CNTNAP4: variants seen among roughly 807,000 people sequenced by gnomAD.
The protein encoded by CNTNAP4 is contactin associated protein family member 4, also known as contactin-associated protein-like 4.
Under a neutral mutation model 148.4 loss-of-function variants are expected in CNTNAP4, and 98 were observed. That is an observed-to-expected ratio of 0.66 (90% confidence interval 0.56 to 0.78). CNTNAP4 has a LOEUF of 0.78. Ranked by LOEUF, CNTNAP4 falls within the 30% of genes least tolerant of loss-of-function variation. The pLI is 0.00. For missense variants in CNTNAP4, 1,935 were observed against 1,565.6 expected (o/e 1.24, Z -3.98); for synonymous variants, 730 against 565.1 (o/e 1.29, Z -4.14).
chr16:76,456,785 A>G (rs2080747475), intron 8 of CNTNAP4, among the ~76,000 whole-genome samples: 1 of 152,174 alleles, frequency 6.6e-6, no homozygotes. Context: ...AGTAAGGCAG[A>G]CACCTGTCTT....
chr16:76,472,776 G>A (rs1462124753), intron 10 of CNTNAP4, among the ~76,000 whole-genome samples: 2 of 152,126 alleles, frequency 1.3e-5, no homozygotes, highest in African/African-American at 4.8e-5. Context: ...CACAAAAAGG[G>A]GAACAACACT....
intron 1 of CNTNAP4, chr16:76,287,662 CG>C (rs1214955318): frequency 2.0e-5 from 3 of 152,164 alleles, no homozygotes; most frequent in African/African-American, 7.2e-5. Flanking sequence ...TGACATCTGT[CG>C]TGTTAGCGAT....
chr16:76,401,887 G>A (rs141471756), intron 3 of CNTNAP4, among the ~76,000 whole-genome samples: 2,456 of 152,266 alleles, frequency 0.016, 29 homozygotes, highest in Non-Finnish European at 0.027. Context: ...TCCCAGAGAT[G>A]AAGCCTACTT....
chr16:76,497,605 A>G (rs1426247810), intron 14 of CNTNAP4, among the ~76,000 whole-genome samples: 4 of 151,726 alleles, frequency 2.6e-5, no homozygotes. Flanking sequence ...ACAGAAAACC[A>G]AACACTGCAT....
chr16:76,344,521 G>A lies in CNTNAP4; in HGVS notation c.197-10797G>A, dbSNP rs531790915. 3.3e-5 allele frequency among the ~76,000 whole-genome samples: 5 copies of A among 150,610 alleles called. 1 individual carries two copies. Among genetic ancestry groups the A allele is most frequent in the African/African-American group, 9.6e-5 (4 of 41,456 alleles). On this transcript the variant is annotated intron_variant, in intron 2 of 23. Coordinates refer to ENST00000611870, the MANE Select transcript of CNTNAP4 (RefSeq NM_033401.5). ...GTGAGATATCTTACAGTACTACTAC[G>A]GTGTATTAATCATTCAGATCTGAAA...
intron 15 of CNTNAP4, among the ~76,000 whole-genome samples, chr16:76,505,086 C>G (rs1177946006): frequency 1.3e-5 from 2 of 152,210 alleles, no homozygotes; most frequent in East Asian, 1.9e-4. Flanking sequence ...CCACATTTAC[C>G]ATATGACCCA....
intron 2 of CNTNAP4, among the ~76,000 whole-genome samples, chr16:76,345,386 C>T (rs762372107): frequency 2.0e-5 from 3 of 152,174 alleles, no homozygotes; most frequent in Non-Finnish European, 4.4e-5. Flanking sequence ...AAAAACAAAA[C>T]AGTGATTTCC....
At chr16:76,428,915 T>G (rs1391895530) in intron 4 of CNTNAP4, among the ~76,000 whole-genome samples, 1 of 152,116 alleles carries the variant, frequency 6.6e-6, no homozygotes, top group Non-Finnish European at 1.5e-5. Context: ...TTACCTCTTT[T>G]GAAAATGAGA....
intron 17 of CNTNAP4, among the ~76,000 whole-genome samples, chr16:76,525,709 C>G (rs2083698718): frequency 7.3e-6 from 1 of 137,498 alleles, no homozygotes; most frequent in East Asian, 2.1e-4. Context: ...TATATATAAA[C>G]TATTATATAC....
At chr16:76,359,267 A>G (rs1042323250) in intron 3 of CNTNAP4, among the ~76,000 whole-genome samples, 5 of 152,344 alleles carry the variant, frequency 3.3e-5, no homozygotes, top group Non-Finnish European at 4.4e-5. Flanking sequence ...GAGCTTCACA[A>G]TCTGCTCCAC....
chr16:76,509,021 G>C (rs1200254138), intron 15 of CNTNAP4, among the ~76,000 whole-genome samples: 1 of 96,908 alleles, frequency 1.0e-5, no homozygotes, highest in Admixed American at 1.0e-4. Flanking sequence ...AAAGTGCTGG[G>C]ATTACAGGCG....
intron 3 of CNTNAP4, among the ~76,000 whole-genome samples, chr16:76,400,639 C>T (rs947831568): frequency 6.6e-6 from 1 of 151,688 alleles, no homozygotes; most frequent in Non-Finnish European, 1.5e-5. Flanking sequence ...ATGGTGTTAC[C>T]TAGGTTGTCT....
At chr16:76,446,584 A>T (rs2080256966) in intron 4 of CNTNAP4, among the ~76,000 whole-genome samples, 1 of 152,156 alleles carries the variant, frequency 6.6e-6, no homozygotes. Context: ...ACAGTCAGAA[A>T]GTTGAAAAAA....
At chr16:76,502,991 AT>A (rs1281274397) in intron 15 of CNTNAP4, among the ~76,000 whole-genome samples, 1 of 151,994 alleles carries the variant, frequency 6.6e-6, no homozygotes, top group Non-Finnish European at 1.5e-5. Flanking sequence ...ACCCCAATTT[AT>A]TTATGTTGTC....
intron 1 of CNTNAP4, among the ~76,000 whole-genome samples, chr16:76,286,545 C>G (rs538683465): frequency 1.3e-4 from 20 of 152,008 alleles, no homozygotes; most frequent in Non-Finnish European, 2.5e-4. Flanking sequence ...AACTTCTTCT[C>G]CCACCGTGGG....
intron 15 of CNTNAP4, among the ~76,000 whole-genome samples, chr16:76,502,340 T>C (rs1236203859): frequency 2.0e-5 from 3 of 151,968 alleles, no homozygotes; most frequent in Non-Finnish European, 2.9e-5. Context: ...ATGGGAAATC[T>C]GTACCACTTA....
chr16:76,528,220 T>C (rs1156298659), intron 17 of CNTNAP4, among the ~76,000 whole-genome samples: 1 of 152,184 alleles, frequency 6.6e-6, no homozygotes, highest in Non-Finnish European at 1.5e-5. Flanking sequence ...TAACTGGGTC[T>C]ATGTTGGTAA....
At chr16:76,332,654 C>G (rs143400403) in intron 2 of CNTNAP4, among the ~76,000 whole-genome samples, 19 of 152,132 alleles carry the variant, frequency 1.2e-4, no homozygotes, top group Middle Eastern at 3.4e-3. Flanking sequence ...TTCTGAGATT[C>G]CCATTATGCA....
At chr16:76,415,045 G>A (rs756547521) in intron 3 of CNTNAP4, among the ~76,000 whole-genome samples, 1 of 151,034 alleles carries the variant, frequency 6.6e-6, no homozygotes. Flanking sequence ...ATATACAGAA[G>A]TCAAAATGAA....
Sources: allele counts gnomAD v4.1 joint callset (sites outside exome capture counted in the v4.1 genomes callset), GRCh38; gene constraint gnomAD v4.1.1; transcripts MANE v1.5; gene names NCBI Gene and HGNC (gene_info 2026-07-23, HGNC 2026-07-21).